Variants in PPP3CB observed in about 807,000 individuals in gnomAD.
PPP3CB encodes protein phosphatase 3 catalytic subunit beta.
PPP3CB carries 8 observed loss-of-function variants against 66.4 expected under a neutral mutation model. The observed-to-expected ratio is 0.12, with a 90% CI of 0.07 to 0.22. The LOEUF is 0.22. Ranked by LOEUF, PPP3CB falls within the 10% of genes least tolerant of loss-of-function variation. The probability of loss-of-function intolerance (pLI) is 1.00; values close to 1 mark genes in which losing one functional copy is unlikely to be tolerated. For synonymous variants in PPP3CB, 208 were observed against 221.2 expected (o/e 0.94, Z 0.53); for missense variants, 319 against 642.5 (o/e 0.50, Z 5.44).
At chr10:73,443,324 G>GAAAGAAAGAA (rs1554821619) in intron 12 of PPP3CB, among the ~76,000 whole-genome samples, 4 of 136,954 alleles carry the variant, frequency 2.9e-5, no homozygotes, top group South Asian at 2.3e-4. Flanking sequence ...AAGAAAGAAA[G>GAAAGAAAGAA]AAAGAAAAAG....
At chr10:73,442,546 G>A (rs2056165761) in intron 12 of PPP3CB, among the ~76,000 whole-genome samples, 1 of 151,964 alleles carries the variant, frequency 6.6e-6, no homozygotes, top group African/African-American at 2.4e-5. Context: ...TATTTTTGAA[G>A]CTATTAAAGT....
In PPP3CB at chr10:73,478,564, ATCC is replaced by A; in HGVS notation, c.343_345del (p.Gly115del). ...AAAAGGTATCGTGTATTAGCAGGTG[ATCC>A]TCCTACTTCAAAAAGTTTCATCAGA... is the stretch of plus-strand genomic sequence containing the variant. On this transcript the variant is annotated inframe_deletion, in exon 3 of 14. Transcript: ENST00000360663. 1 of 1,608,854 alleles carries A rather than the reference ATCC, an allele frequency of 6.2e-7. No individual in the cohort carries two copies. Among genetic ancestry groups the A allele is most frequent in the Non-Finnish European group, 8.5e-7 (1 of 1,175,332 alleles).
intron 11 of PPP3CB, among the ~76,000 whole-genome samples, chr10:73,445,770 A>C (rs2056238863): frequency 7.4e-6 from 1 of 134,626 alleles, no homozygotes; most frequent in Non-Finnish European, 1.6e-5. Context: ...TTTTTCTGAG[A>C]CAGAGTCTCA....
At chr10:73,439,554 T>C (rs1004608298) in intron 13 of PPP3CB, among the ~76,000 whole-genome samples, 9 of 152,154 alleles carry the variant, frequency 5.9e-5, no homozygotes, top group African/African-American at 2.2e-4. Flanking sequence ...GTTTGGCAAT[T>C]TCCATTAAAA....
rs2056116486 is a variant in PPP3CB at position 73,439,727 on chromosome 10, C to T, written c.1396+145G>A. On this transcript the variant is annotated intron_variant, in intron 13 of 13. Transcript: ENST00000360663. ...AAAATGAAAAATTAAAAAAAGAGGG[C>T]TGCAAGGCTTCTAAACTTGATGAAT... The T allele has an allele frequency of 5.9e-6, 5 of 840,970 alleles. No individual in the cohort carries two copies. In the South Asian group the frequency reaches 9.5e-5, roughly 16 times the overall value. The allele number at this position is 840,970 out of a possible 1,614,324, so 52.1% of individuals were successfully genotyped here.
intron 9 of PPP3CB, among the ~76,000 whole-genome samples, chr10:73,459,556 G>A (rs2056487434): frequency 6.6e-6 from 1 of 152,266 alleles, no homozygotes; most frequent in Non-Finnish European, 1.5e-5. Context: ...TCCAAGAGTA[G>A]AAATAAATGT....
In PPP3CB at chr10:73,454,440, T is replaced by C. The variant is rs760959607; in HGVS notation, c.1158A>G (p.Leu386=). 6.2e-6 allele frequency: 10 copies of C among 1,612,120 alleles called. No homozygotes were observed. Among genetic ancestry groups the C allele is most frequent in the Non-Finnish European group, 8.5e-6 (10 of 1,178,814 alleles). The change falls in exon 10 of 14, where the codon CTA becomes CTG. Residue 386 remains leucine, a synonymous_variant. Transcript: ENST00000360663. ...NVLSICSDDE[L]MTEGEDQFDG... ...CAAACTGGTCTTCACCTTCAGTCAT[T>C]AGTTCATCATCAGAGCAAATACTCA...
In PPP3CB at chr10:73,487,786, GT is replaced by G. The variant is rs1191348668; in HGVS notation, c.85+8018del. On this transcript the variant is annotated intron_variant, in intron 1 of 13. Coordinates refer to ENST00000360663, the MANE Select transcript of PPP3CB (RefSeq NM_021132.4). ...TTTGAGTTTGGTCAGGCAAGTTTTTGTTTTTTTTTTTTCCACAGAGTCTCGC... is the reference window on the plus strand; with the variant it reads ...TTTGAGTTTGGTCAGGCAAGTTTTTGTTTTTTTTTTTCCACAGAGTCTCGC... Among the ~76,000 whole-genome samples the G allele has an allele frequency of 2.9e-3, 412 of 141,482 alleles. 3 individuals carry two copies. The highest frequency in any genetic ancestry group is 0.025 in the Admixed American group (360 of 14,132). 92.8% of individuals were successfully genotyped at this position (141,482 alleles called of 152,430 possible).
At chr10:73,492,639 C>A (rs578199820) in intron 1 of PPP3CB, among the ~76,000 whole-genome samples, 1 of 152,230 alleles carries the variant, frequency 6.6e-6, no homozygotes, top group Non-Finnish European at 1.5e-5. Context: ...AGGGTATATA[C>A]CATCTTGCTT....
rs1337251887 is a variant in PPP3CB at position 73,478,622 on chromosome 10, C to T, written c.288G>A (p.Val96=). The change falls in exon 3 of 14, where the codon GTG becomes GTA. Residue 96 remains valine, a splice_region_variant and synonymous_variant. Transcript: ENST00000360663. ...AAAATTGGCCATGGATGTCACCACA[C>T]ACTGAAACAAGAAGATTATTAGATA... ...TMIEVEAPIT[V]CGDIHGQFFD... is the part of the protein sequence containing the mutation. The T allele has an allele frequency of 1.2e-6, 2 of 1,608,022 alleles. No individual in the cohort carries two copies. The highest frequency in any genetic ancestry group is 2.2e-5 in the East Asian group (1 of 44,780).
At chr10:73,451,742 CTTTTTT>C (rs765483729) in intron 10 of PPP3CB, among the ~76,000 whole-genome samples, 11 of 124,612 alleles carry the variant, frequency 8.8e-5, no homozygotes, top group African/African-American at 2.9e-4. Flanking sequence ...TCACTCATCT[CTTTTTT>C]TTTTTTTTTT....
intron 10 of PPP3CB, 61 bp downstream of exon 10, chr10:73,454,351 T>C (rs1041646221): frequency 9.9e-6 from 13 of 1,319,376 alleles, no homozygotes; most frequent in African/African-American, 2.9e-5. Flanking sequence ...GTACTGAGGC[T>C]AGGCAGTAAA....
At chr10:73,476,024 G>GTTTT (rs903948557) in intron 3 of PPP3CB, among the ~76,000 whole-genome samples, 1 of 137,514 alleles carries the variant, frequency 7.3e-6, no homozygotes, top group Non-Finnish European at 1.6e-5. Flanking sequence ...GCCCAGCTAA[G>GTTTT]TTTTTTTTTT....
chr10:73,481,396 C>T (rs924324087), intron 1 of PPP3CB, among the ~76,000 whole-genome samples: 2 of 150,716 alleles, frequency 1.3e-5, no homozygotes, highest in African/African-American at 2.4e-5. Context: ...CACTTAAACC[C>T]GGGGAGGCAG....
intron 5 of PPP3CB, 66 bp from the exon 6 acceptor site, chr10:73,471,275 G>A (rs1457295087): frequency 6.8e-7 from 1 of 1,477,034 alleles, no homozygotes; most frequent in Admixed American, 2.1e-5. Context: ...ATGTGCATAG[G>A]AAAACGATAC....
chr10:73,440,279 G>A (rs778897887), intron 12 of PPP3CB, among the ~76,000 whole-genome samples: 2 of 152,118 alleles, frequency 1.3e-5, no homozygotes, highest in Non-Finnish European at 2.9e-5. Flanking sequence ...ACAGGAAAAT[G>A]CTCTAGGGTA....
At chr10:73,467,531 T>C (rs747013935) in intron 9 of PPP3CB, 22 bp downstream of exon 9, 88 of 1,470,280 alleles carry the variant, frequency 6.0e-5, no homozygotes, top group Non-Finnish European at 7.8e-5. Context: ...AAACAAATTT[T>C]TTTTAAAAAT....
rs1332856010 is a variant in PPP3CB at position 73,471,471 on chromosome 10, C to T, written c.666G>A (p.Arg222=). The change falls in exon 5 of 14, where the codon AGG becomes AGA. Residue 222 remains arginine, a synonymous_variant. Transcript: ENST00000360663. ...CGGAAGTAAAATATATACTTACTCT[C>T]CTAATATCATCCAGTGTGTGTATTT... ...SPEIHTLDDI[R]RLDRFKEPPA... is the part of the protein sequence containing the mutation. 5 of 1,604,554 alleles carry T rather than the reference C, an allele frequency of 3.1e-6. No homozygotes were observed. In the South Asian group the frequency reaches 5.6e-5, roughly 18 times the overall value.
At chr10:73,468,609 A>G (rs2056655783) in intron 8 of PPP3CB, among the ~76,000 whole-genome samples, 3 of 152,346 alleles carry the variant, frequency 2.0e-5, no homozygotes, top group African/African-American at 7.2e-5. Flanking sequence ...TCTTGTAGAT[A>G]TAATTTTATG....
Sources: allele counts gnomAD v4.1 joint callset (sites outside exome capture counted in the v4.1 genomes callset), GRCh38; gene constraint gnomAD v4.1.1; transcripts MANE v1.5; gene names NCBI Gene and HGNC (gene_info 2026-07-23, HGNC 2026-07-21).